ARHGAP8: variants seen among roughly 807,000 people sequenced by gnomAD.
The protein encoded by ARHGAP8 is rho GTPase-activating protein 8.
ARHGAP8 carries 62 observed loss-of-function variants against 46.1 expected under a neutral mutation model. The observed-to-expected ratio is 1.34, with a 90% CI of 1.10 to 1.66. ARHGAP8 has a LOEUF of 1.66. ARHGAP8 is among the 40% of genes most tolerant of loss of function. The pLI is 0.00. For synonymous variants in ARHGAP8, 375 were observed against 243.1 expected (o/e 1.54, Z -5.05); for missense variants, 923 against 568.4 (o/e 1.62, Z -6.34).
At position 44,862,556 on chromosome 22, in the gene ARHGAP8, A is replaced by T; in HGVS notation, c.1263A>T (p.Leu421=). The T allele has an allele frequency of 6.3e-7, 1 of 1,597,888 alleles. No individual in the cohort carries two copies. Among genetic ancestry groups the T allele is most frequent in the Non-Finnish European group, 8.6e-7 (1 of 1,167,762 alleles). Residue 421 remains leucine, a synonymous_variant, in exon 12 of 12, where the codon CTA becomes CTT. Coordinates refer to ENST00000356099, the MANE Select transcript of ARHGAP8 (RefSeq NM_181335.3). ...TQATGLTKPT[L]PPSPLMAARR... The stretch of plus-strand genomic sequence containing the variant: ...CCACGGGCCTCACCAAGCCTACCCT[A>T]CCTCCGAGTCCCCTGATGGCAGCCA...
chr22:44,844,206 G>A (rs1203574358), intron 7 of ARHGAP8, among the ~76,000 whole-genome samples: 138 of 152,128 alleles, frequency 9.1e-4, no homozygotes, highest in Non-Finnish European at 2.2e-4. Flanking sequence ...TCCTGACCTC[G>A]TGGTCTGTCC....
At chr22:44,838,129 A>G (rs1441778091) in intron 7 of ARHGAP8, among the ~76,000 whole-genome samples, 1 of 144,910 alleles carries the variant, frequency 6.9e-6, no homozygotes, top group Admixed American at 6.9e-5. Context: ...GTGCGCCACC[A>G]TGCCTGGCTA....
intron 4 of ARHGAP8, among the ~76,000 whole-genome samples, chr22:44,813,273 C>A (rs902209416): frequency 6.6e-6 from 1 of 151,710 alleles, no homozygotes; most frequent in African/African-American, 2.4e-5. Context: ...CACACACACC[C>A]CTACATACAC....
At chr22:44,777,071 CCT>C (rs921350722) in intron 1 of ARHGAP8, 10 of 152,224 alleles carry the variant, frequency 6.6e-5, no homozygotes, top group African/African-American at 2.2e-4. Flanking sequence ...CTCAGGCACT[CCT>C]CTGCTCAAGA....
chr22:44,755,525 G>C lies in ARHGAP8; in HGVS notation c.-72+2898G>C, dbSNP rs182980653. Among the ~76,000 whole-genome samples, 628 of 152,330 alleles carry C rather than the reference G, an allele frequency of 4.1e-3. 8 individuals are homozygous for C. The highest frequency in any genetic ancestry group is 0.015 in the African/African-American group (615 of 41,572). ...TCCCAGGCCTCCCTGGGGTGCATTT[G>C]AGGGGAGAGCCTCTGGGCCCTGCAC... On this transcript the variant is annotated intron_variant, in intron 1 of 11. Transcript: ENST00000356099.
At chr22:44,852,354 C>T (rs1023876694) in intron 10 of ARHGAP8, among the ~76,000 whole-genome samples, 3 of 150,744 alleles carry the variant, frequency 2.0e-5, no homozygotes, top group African/African-American at 7.5e-5. Context: ...GATAAGGCAC[C>T]CTCTGGACAT....
At position 44,845,345 on chromosome 22, in the gene ARHGAP8, G is replaced by A. The variant is rs2069927772; in HGVS notation, c.670+3G>A. 1 of 1,614,090 alleles carries A rather than the reference G, an allele frequency of 6.2e-7. No homozygotes were observed. Among genetic ancestry groups the A allele is most frequent in the Non-Finnish European group, 8.5e-7 (1 of 1,179,988 alleles). ...AGTGACGTACCTGAGAGAGAAAGGT[G>A]AGACGGGGCCGGCTCCAGCTGGATG... is the stretch of plus-strand genomic sequence containing the variant. On this transcript the variant is annotated splice_donor_region_variant and intron_variant, in intron 8 of 11. Transcript: ENST00000356099.
intron 3 of ARHGAP8, among the ~76,000 whole-genome samples, chr22:44,802,976 A>G (rs1928659638): frequency 2.1e-5 from 3 of 143,832 alleles, no homozygotes; most frequent in Admixed American, 1.4e-4. Context: ...CCAGGACAGA[A>G]GACAAGGGCC....
At chr22:44,836,267 T>A (rs1324656789) in intron 7 of ARHGAP8, among the ~76,000 whole-genome samples, 1 of 152,044 alleles carries the variant, frequency 6.6e-6, no homozygotes, top group Non-Finnish European at 1.5e-5. Flanking sequence ...GGTCTCACTA[T>A]GTTGCTCAGG....
intron 10 of ARHGAP8, among the ~76,000 whole-genome samples, chr22:44,857,866 G>A (rs1329434069): frequency 6.6e-6 from 1 of 152,142 alleles, no homozygotes; most frequent in Admixed American, 6.5e-5. Context: ...CTCATAGGGA[G>A]TGCTCAGTGA....
intron 1 of ARHGAP8, among the ~76,000 whole-genome samples, chr22:44,777,884 C>T (rs955791200): frequency 3.3e-5 from 5 of 151,930 alleles, no homozygotes; most frequent in Admixed American, 6.6e-5. Flanking sequence ...TTAGTAGAGA[C>T]GGGGTTTTAC....
intron 3 of ARHGAP8, among the ~76,000 whole-genome samples, chr22:44,807,838 C>T (rs893477262): frequency 2.0e-5 from 3 of 152,158 alleles, no homozygotes; most frequent in Non-Finnish European, 2.9e-5. Flanking sequence ...ATGCTGTCGT[C>T]GACACTCTGC....
At chr22:44,807,165 A>C (rs1365459561) in intron 3 of ARHGAP8, among the ~76,000 whole-genome samples, 3 of 151,952 alleles carry the variant, frequency 2.0e-5, no homozygotes, top group East Asian at 3.9e-4. Flanking sequence ...GGTTAATTAC[A>C]AGATGTGCTC....
rs56982617 is a variant in ARHGAP8, at chr22:44,832,968, AACACACAC to A, written c.596+7391_596+7398del. Among the ~76,000 whole-genome samples, 947 of 149,650 alleles carry A rather than the reference AACACACAC, an allele frequency of 6.3e-3. 7 individuals are homozygous for A. Among genetic ancestry groups the A allele is most frequent in the Middle Eastern group, 0.01 (3 of 286 alleles). On this transcript the variant is annotated intron_variant, in intron 7 of 11. Transcript: ENST00000356099. ...ATAGCAAGACCCTGTGTCTATTAAA[AACACACAC>A]ACACACACACACACAAAAGAATCAA...
intron 1 of ARHGAP8, 29 bp from the exon 2 acceptor site, chr22:44,786,428 C>T: frequency 1.3e-6 from 2 of 1,556,600 alleles, no homozygotes; most frequent in Non-Finnish European, 1.7e-6. Context: ...GGAGAATGCA[C>T]TGACTTCCTT....
chr22:44,790,676 C>CAA (rs369579126), intron 2 of ARHGAP8, among the ~76,000 whole-genome samples: 13,065 of 48,834 alleles, frequency 0.27, 1,760 homozygotes, highest in East Asian at 0.36. Context: ...AACTCTGTCT[C>CAA]AAAAAAAAAA....
intron 7 of ARHGAP8, among the ~76,000 whole-genome samples, chr22:44,836,829 GT>G (rs1343603816): frequency 1.3e-4 from 20 of 151,888 alleles, no homozygotes; most frequent in Non-Finnish European, 8.8e-5. Context: ...GTAATTTCAG[GT>G]TGCCATTCCT....
rs1429850975 is a variant in ARHGAP8 at position 44,809,419 on chromosome 22, G to A, written c.299+981G>A. 2.0e-5 allele frequency: 7 copies of A among 352,594 alleles called. No homozygotes were observed. The Middle Eastern group carries it at 3.0e-3, about 151-fold the overall frequency. The allele number at this position is 352,594 out of a possible 1,614,324, so 21.8% of individuals were successfully genotyped here. ...GTGAATTACTGGCAAAGAAACAACT[G>A]CATGACCGTTTCTTCACTAAAGCCT... On this transcript the variant is annotated intron_variant, in intron 4 of 11. Transcript: ENST00000356099.
At chr22:44,806,269 G>C (rs548864488) in intron 3 of ARHGAP8, among the ~76,000 whole-genome samples, 10 of 152,170 alleles carry the variant, frequency 6.6e-5, no homozygotes, top group Admixed American at 6.5e-4. Flanking sequence ...AGTATGCCCC[G>C]GTGGCTTAGC....
Sources: gnomAD v4.1 joint callset for allele counts (sites outside exome capture counted in the v4.1 genomes callset) on GRCh38, gnomAD v4.1.1 for gene constraint, MANE v1.5 for transcripts, NCBI Gene and HGNC (gene_info 2026-07-23, HGNC 2026-07-21) for gene names.